Variants in RHPN1 observed in about 807,000 individuals in gnomAD.
RHPN1 encodes the protein rhophilin Rho GTPase binding protein 1.
Under a neutral mutation model 74.7 loss-of-function variants are expected in RHPN1, and 77 were observed. That is an observed-to-expected ratio of 1.03 (90% CI 0.86 to 1.25). The LOEUF (loss-of-function observed/expected upper bound fraction) is 1.25. RHPN1 is among the 50% of genes most tolerant of loss of function. The pLI is 0.00. For synonymous variants in RHPN1, 444 were observed against 414.5 expected (o/e 1.07, Z -0.87); for missense variants, 987 against 932.2 (o/e 1.06, Z -0.77).
chr8:143,382,038 G>A (rs949935544), intron 14 of RHPN1, 70 bp downstream of exon 14: 12 of 1,421,578 alleles, frequency 8.4e-6, no homozygotes, highest in Admixed American at 2.5e-5. Context: ...GGCCTGCCTT[G>A]GATGCTTGAG....
chr8:143,373,905 AG>A (rs1270968339), intron 1 of RHPN1, among the ~76,000 whole-genome samples: 2 of 152,068 alleles, frequency 1.3e-5, no homozygotes, highest in African/African-American at 4.8e-5. Flanking sequence ...CCCTATTTCT[AG>A]AAAAATTGCA....
rs1449667887 is a variant in RHPN1, at chr8:143,383,577, C to A, written c.*926C>A. The A allele has an allele frequency of 6.6e-6, 1 of 152,498 alleles. No homozygotes were observed. The highest frequency in any genetic ancestry group is 1.5e-5 in the Non-Finnish European group (1 of 68,248). 9.4% of individuals were successfully genotyped at this position (152,498 alleles called of 1,614,324 possible). A position where few individuals can be genotyped will look rare whatever the true frequency, so the allele number is the denominator to read the frequency against. On this transcript the variant is annotated 3_prime_UTR_variant, in exon 15 of 15. Coordinates refer to ENST00000289013, the MANE Select transcript of RHPN1 (RefSeq NM_052924.3). ...TCGGCAAGAACACCACCTCCAGGACCCCTACAGCAGTGGGCTCAGGACTTG... is the reference window on the plus strand; with the variant it reads ...TCGGCAAGAACACCACCTCCAGGACACCTACAGCAGTGGGCTCAGGACTTG...
At chr8:143,374,450 C>T (rs1262060227) in intron 1 of RHPN1, among the ~76,000 whole-genome samples, 4 of 152,260 alleles carry the variant, frequency 2.6e-5, no homozygotes, top group African/African-American at 9.6e-5. Flanking sequence ...GTTGGCCACG[C>T]CTGACTCAGA....
Position 143,378,284 on chromosome 8 carries a change from C to T in RHPN1, c.397C>T (p.His133Tyr), listed in dbSNP as rs749816213. 27 of 1,574,772 alleles carry T rather than the reference C, an allele frequency of 1.7e-5. No individual in the cohort carries two copies. The Admixed American group carries it at 4.2e-4, about 24-fold the overall frequency. ...CCCCCATCAGGAGCTGATCTCAGTG[C>T]ACTTTGGAGAGGACGGCGCCTCCTA... ...STPLKELISV[H>Y]FGEDGASYEA... Residue 133 changes from histidine (H) to tyrosine (Y), a missense_variant, in exon 5 of 15, where the codon CAC (histidine) becomes TAC (tyrosine). Coordinates refer to ENST00000289013, the MANE Select transcript of RHPN1 (RefSeq NM_052924.3).
At chr8:143,375,837 A>C (rs1002146743) in intron 2 of RHPN1, among the ~76,000 whole-genome samples, 169 bp downstream of exon 2, 4 of 152,206 alleles carry the variant, frequency 2.6e-5, no homozygotes, top group African/African-American at 4.8e-5. Context: ...CATGACCCTC[A>C]CAGACCTGCC....
rs989060448 is a variant in RHPN1 at position 143,369,128 on chromosome 8, GCGCC to G, written c.60+83_60+86del. ...TGCCCCCCCTCGAGGCGCGTTCCGG[GCGCC>G]CCCCTCCTACGTCTCATTCGGCCCG... On this transcript the variant is annotated intron_variant, in intron 1 of 14. Transcript: ENST00000289013. 4.2e-5 allele frequency: 48 copies of G among 1,152,868 alleles called. No individual in the cohort carries two copies. In the African/African-American group the frequency reaches 7.4e-4, roughly 18 times the overall value. 71.4% of individuals were successfully genotyped at this position (1,152,868 alleles called of 1,614,324 possible). A position where few individuals can be genotyped will look rare whatever the true frequency, so the allele number is the denominator to read the frequency against.
At chr8:143,379,235 G>A in intron 7 of RHPN1, 80 bp from the exon 8 acceptor site, 1 of 1,436,234 alleles carries the variant, frequency 7.0e-7, no homozygotes, top group Non-Finnish European at 9.2e-7. Flanking sequence ...AGCATCCCTA[G>A]CTGGCCGCCC....
chr8:143,374,092 ACACAAAGATCTC>A, intron 1 of RHPN1: 1 of 979,544 alleles, frequency 1.0e-6, no homozygotes, highest in Non-Finnish European at 1.2e-6. Context: ...ATTAAAATGC[ACACAAAGATCTC>A]GTTCACATTA....
rs377301261 is a variant in RHPN1, at chr8:143,378,645, T to C, written c.460-51T>C. The C allele has an allele frequency of 3.6e-4, 569 of 1,572,466 alleles. 1 individual carries two copies. The highest frequency in any genetic ancestry group is 3.9e-4 in the Middle Eastern group (2 of 5,154). On this transcript the variant is annotated intron_variant, in intron 5 of 14. Transcript: ENST00000289013. Reference sequence around the variant, plus strand: ...CCATGGGACTTCCCAGGGCAGTGTGTGTGAGTGGGGTGGGCCAGGGCGGTG... The same window carrying C: ...CCATGGGACTTCCCAGGGCAGTGTGCGTGAGTGGGGTGGGCCAGGGCGGTG...
Position 143,381,255 on chromosome 8 carries a change from T to TA in RHPN1, c.1412-12dup. ...CAGTCTCCCAGCTTAGCTCTGCTCT[T>TA]ACACCCTCTCAGCTAAGACCCACCA... On this transcript the variant is annotated splice_polypyrimidine_tract_variant and intron_variant, in intron 11 of 14. Coordinates refer to ENST00000289013, the MANE Select transcript of RHPN1 (RefSeq NM_052924.3). 6.2e-7 allele frequency: 1 copy of TA among 1,610,874 alleles called. No homozygotes were observed. The highest frequency in any genetic ancestry group is 8.5e-7 in the Non-Finnish European group (1 of 1,178,158).
At position 143,369,110 on chromosome 8, in the gene RHPN1, C is replaced by T. The variant is rs567574504; in HGVS notation, c.60+63C>T. On this transcript the variant is annotated intron_variant, in intron 1 of 14. Coordinates refer to ENST00000289013, the MANE Select transcript of RHPN1 (RefSeq NM_052924.3). ...GGAATCCCGGCCTTTTCCTGCCCCC[C>T]CTCGAGGCGCGTTCCGGGCGCCCCC... 3.0e-5 allele frequency: 39 copies of T among 1,305,614 alleles called. 1 individual carries two copies. The highest frequency in any genetic ancestry group is 1.7e-4 in the South Asian group (11 of 63,500). 80.9% of individuals were successfully genotyped at this position (1,305,614 alleles called of 1,614,324 possible).
intron 1 of RHPN1, among the ~76,000 whole-genome samples, chr8:143,371,657 C>T (rs1025197338): frequency 2.0e-5 from 3 of 152,232 alleles, no homozygotes; most frequent in Admixed American, 6.5e-5. Flanking sequence ...TTTCTCTGTT[C>T]TTCGTCCCTC....
chr8:143,368,901 T>C lies in RHPN1; in HGVS notation c.-87T>C. 1.9e-6 allele frequency: 2 copies of C among 1,032,328 alleles called. No individual in the cohort carries two copies. Among genetic ancestry groups the C allele is most frequent in the Non-Finnish European group, 1.3e-6 (1 of 787,164 alleles). 63.9% of individuals were successfully genotyped at this position (1,032,328 alleles called of 1,614,324 possible). A position where few individuals can be genotyped will look rare whatever the true frequency, so the allele number is the denominator to read the frequency against. On this transcript the variant is annotated 5_prime_UTR_variant, in exon 1 of 15. Transcript: ENST00000289013. ...ACTCAGGAGCCCGCGGCCCAGGTGG[T>C]GCGGGCGGCCCTAGCCCGGCTGCGG...
Position 143,380,665 on chromosome 8 carries a change from C to G in RHPN1, c.1293C>G (p.Arg431=). 6.4e-7 allele frequency: 1 copy of G among 1,573,506 alleles called. No individual in the cohort carries two copies. Among genetic ancestry groups the G allele is most frequent in the Non-Finnish European group, 8.6e-7 (1 of 1,160,172 alleles). The part of the protein sequence containing the change: ...LRLHALCRVL[R]EVDLLRAVIS... Reference sequence around the variant, plus strand: ...TGCACGCCCTGTGCCGCGTCCTGCGCGAGGTGGACCTGCTTCGGGCTGTGA... The same window carrying G: ...TGCACGCCCTGTGCCGCGTCCTGCGGGAGGTGGACCTGCTTCGGGCTGTGA... The change falls in exon 11 of 15, where the codon CGC becomes CGG. Residue 431 remains arginine, a synonymous_variant. Transcript: ENST00000289013.
Position 143,378,957 on chromosome 8 carries a change from C to T in RHPN1, c.630C>T (p.Ala210=), listed in dbSNP as rs762410942. The change falls in exon 7 of 15, where the codon GCC becomes GCT. Residue 210 remains alanine (A), a synonymous_variant. Coordinates refer to ENST00000289013, the MANE Select transcript of RHPN1 (RefSeq NM_052924.3). Reference sequence around the variant, plus strand: ...TCCCGGCCCAGCAGCGTGCCCTGGCCTTCGAGAAGGGCAGCGTTCTCTTCA... The same window carrying T: ...TCCCGGCCCAGCAGCGTGCCCTGGCTTTCGAGAAGGGCAGCGTTCTCTTCA... ...TGVPAQQRAL[A]FEKGSVLFNI... 4 of 1,573,246 alleles carry T rather than the reference C, an allele frequency of 2.5e-6. No individual in the cohort carries two copies. Among genetic ancestry groups the T allele is most frequent in the Middle Eastern group, 1.7e-4 (1 of 6,004 alleles).
At chr8:143,377,087 CAT>C (rs1306853041) in intron 3 of RHPN1, among the ~76,000 whole-genome samples, 13 of 147,864 alleles carry the variant, frequency 8.8e-5, no homozygotes, top group South Asian at 4.4e-4. Flanking sequence ...CACGTGTGTG[CAT>C]ATATGTGTGT....
upstream of RHPN1, chr8:143,366,697 T>TTATG (rs1817562779): frequency 6.6e-6 from 1 of 152,210 alleles, no homozygotes; most frequent in Non-Finnish European, 1.5e-5. Context: ...AGGGGAAGTC[T>TTATG]TATGACCCTC....
intron 13 of RHPN1, 42 bp downstream of exon 13, chr8:143,381,760 C>G: frequency 6.2e-7 from 1 of 1,605,552 alleles, no homozygotes; most frequent in East Asian, 2.2e-5. Flanking sequence ...TCCTTGGTGC[C>G]AGCCAGGGTG....
In RHPN1 at chr8:143,379,403, G is replaced by T. The variant is rs576970856; in HGVS notation, c.840G>T (p.Met280Ile). 3 of 1,591,632 alleles carry T rather than the reference G, an allele frequency of 1.9e-6. No individual in the cohort carries two copies. Among genetic ancestry groups the T allele is most frequent in the African/African-American group, 1.3e-5 (1 of 74,448 alleles). The change falls in exon 8 of 15, where the codon ATG becomes ATT. Residue 280 changes from methionine (M) to isoleucine (I), a missense_variant. By Grantham distance (10) the Met-to-Ile change is conservative (BLOSUM62 1). Transcript: ENST00000289013. Reference sequence around the variant, plus strand: ...CCCTCTGCGCACTGGAGCAGCTCATGATGGCCCAGGCCCAGGAATGTGTGT... The same window carrying T: ...CCCTCTGCGCACTGGAGCAGCTCATTATGGCCCAGGCCCAGGAATGTGTGT... ...AASLCALEQL[M>I]MAQAQECVFE...
Sources: gnomAD v4.1 joint callset for allele counts (sites outside exome capture counted in the v4.1 genomes callset) on GRCh38, gnomAD v4.1.1 for gene constraint, MANE v1.5 for transcripts, NCBI Gene and HGNC (gene_info 2026-07-23, HGNC 2026-07-21) for gene names.